NPR3: variants seen among roughly 807,000 people sequenced by gnomAD.
NPR3 encodes the protein atrial natriuretic peptide receptor 3.
In NPR3, 34 loss-of-function variants were observed where a neutral mutation model predicts 54.5. That is an observed-to-expected ratio of 0.62 (90% CI 0.47 to 0.83). NPR3 has a LOEUF of 0.83. Among genes scored for constraint, NPR3 ranks in the 40% least tolerant of loss-of-function variants. The probability of loss-of-function intolerance (pLI) is 0.00; values close to 1 mark genes in which losing one functional copy is unlikely to be tolerated. For synonymous variants in NPR3, 289 were observed against 297.1 expected, an observed-to-expected ratio of 0.97 and a Z score of 0.28; for missense variants, 674 against 720.8, an observed-to-expected ratio of 0.94 and a Z score of 0.74.
intron 3 of NPR3, 143 bp from the exon 4 acceptor site, chr5:32,774,565 A>G: frequency 1.5e-6 from 1 of 682,866 alleles, no homozygotes; most frequent in East Asian, 2.5e-5. Flanking sequence ...TCATGGCGTG[A>G]TTCTTGTCAG....
Position 32,718,534 on chromosome 5 carries a change from T to C in NPR3, c.769+5989T>C, listed in dbSNP as rs192647275. 5.3e-5 allele frequency among the ~76,000 whole-genome samples: 8 copies of C among 152,310 alleles called. No homozygotes were observed. The East Asian group carries it at 1.5e-3, about 29-fold the overall frequency. ...ATTTTATTTTATTTTCATTGAGCAG[T>C]GGTTTGTAGTTGCTGAAGAGGTCCT... On this transcript the variant is annotated intron_variant, in intron 1 of 7. Coordinates refer to ENST00000265074, the MANE Select transcript of NPR3 (RefSeq NM_001204375.2).
intron 2 of NPR3, among the ~76,000 whole-genome samples, chr5:32,735,935 G>A (rs915237015): frequency 1.3e-5 from 2 of 151,888 alleles, no homozygotes; most frequent in African/African-American, 4.8e-5. Context: ...TTTTTTCTAG[G>A]AAGCAAAACT....
chr5:32,784,802 G>A lies in NPR3; in HGVS notation c.1433G>A (p.Gly478Asp). Reference sequence around the variant, plus strand: ...TCCATGCTTCTTTTTCAAGCAGGTGGCCTAGAAGAATCGGCAGTGACAGGA... The same window carrying A: ...TCCATGCTTCTTTTTCAAGCAGGTGACCTAGAAGAATCGGCAGTGACAGGA... ...TNSSPCKSSG[G>D]LEESAVTGIV... is the part of the protein sequence containing the mutation. Residue 478 changes from glycine to aspartate, a missense_variant, in exon 7 of 8, where the codon GGC becomes GAC. Transcript: ENST00000265074. 1 of 1,613,204 alleles carries A rather than the reference G, an allele frequency of 6.2e-7. No individual in the cohort carries two copies. The highest frequency in any genetic ancestry group is 8.5e-7 in the Non-Finnish European group (1 of 1,179,338).
chr5:32,768,146 T>C (rs1346277208), intron 3 of NPR3, among the ~76,000 whole-genome samples: 1 of 152,134 alleles, frequency 6.6e-6, no homozygotes, highest in African/African-American at 2.4e-5. Context: ...GACACAGACC[T>C]CAGGGAAGAG....
rs777916621 is a variant in NPR3, at chr5:32,711,904, A to G, written c.128A>G (p.Gln43Arg). 3 of 1,488,444 alleles carry G rather than the reference A, an allele frequency of 2.0e-6. No individual in the cohort carries two copies. Among genetic ancestry groups the G allele is most frequent in the Non-Finnish European group, 1.8e-6 (2 of 1,118,818 alleles). 92.2% of individuals were successfully genotyped at this position (1,488,444 alleles called of 1,614,324 possible). ...GGCGCGGGCATAGGCGGCGGACGCC[A>G]GGAGAGAGAGGCGCTGCCGCCACAG... Reference protein sequence around the residue: ...GGGAGIGGGRQEREALPPQKI... With the variant: ...GGGAGIGGGRREREALPPQKI... The change falls in exon 1 of 8, where the codon CAG (glutamine) becomes CGG (arginine). Residue 43 changes from glutamine (Q) to arginine (R), a missense_variant. Coordinates refer to ENST00000265074, the MANE Select transcript of NPR3 (RefSeq NM_001204375.2).
intron 1 of NPR3, chr5:32,713,336 A>G: frequency 1.0e-6 from 1 of 985,452 alleles, no homozygotes; most frequent in Non-Finnish European, 1.2e-6. Flanking sequence ...GTTGGAATAA[A>G]ACCCAAACTG....
chr5:32,782,468 C>T (rs1293990279), intron 5 of NPR3, among the ~76,000 whole-genome samples: 3 of 152,128 alleles, frequency 2.0e-5, no homozygotes, highest in Admixed American at 6.5e-5. Context: ...CCGGGAATTC[C>T]GAGATTATTC....
At position 32,712,552 on chromosome 5, in the gene NPR3, A is replaced by C; in HGVS notation, c.769+7A>C. 6.6e-7 allele frequency: 1 copy of C among 1,506,950 alleles called. No homozygotes were observed. Among genetic ancestry groups the C allele is most frequent in the Non-Finnish European group, 8.8e-7 (1 of 1,133,252 alleles). The allele number at this position is 1,506,950 out of a possible 1,614,324, so 93.3% of individuals were successfully genotyped here. On this transcript the variant is annotated splice_region_variant and intron_variant, in intron 1 of 7. Coordinates refer to ENST00000265074, the MANE Select transcript of NPR3 (RefSeq NM_001204375.2). ...ATCCAGGCCAGTGAGAGAGGTGAGC[A>C]GGGGCGCGTCCCGGGCCCCGGGCCC...
At chr5:32,704,596 TA>T (rs893373957), upstream of NPR3, among the ~76,000 whole-genome samples, 4 of 152,204 alleles carry the variant, frequency 2.6e-5, no homozygotes, top group Non-Finnish European at 2.9e-5. Flanking sequence ...TAACACAGTA[TA>T]CCACCCTGGA....
At chr5:32,775,155 G>A (rs1126073) in intron 4 of NPR3, among the ~76,000 whole-genome samples, 5,822 of 152,266 alleles carry the variant, frequency 0.038, 402 homozygotes, top group African/African-American at 0.13. Flanking sequence ...TCTGTGATGA[G>A]TTTTAAAACC....
chr5:32,790,441 T>G lies in NPR3; in HGVS notation c.*4096T>G, dbSNP rs1488366515. 6.0e-6 allele frequency: 1 copy of G among 167,128 alleles called. No homozygotes were observed. The highest frequency in any genetic ancestry group is 1.5e-5 in the Non-Finnish European group (1 of 68,196). The allele number at this position is 167,128 out of a possible 1,614,324, so 10.4% of individuals were successfully genotyped here. On this transcript the variant is annotated 3_prime_UTR_variant, in exon 8 of 8. Coordinates refer to ENST00000265074, the MANE Select transcript of NPR3 (RefSeq NM_001204375.2). The stretch of plus-strand genomic sequence containing the variant: ...AAATTTGTGAGTAGGCCTCCATACT[T>G]CCTCGGGGGAAGAAAGAGAAACTAG...
chr5:32,724,966 T>G, intron 2 of NPR3, 146 bp downstream of exon 2: 1 of 881,054 alleles, frequency 1.1e-6, no homozygotes. Context: ...GAATCATGTC[T>G]TTTGCAGCAA....
Position 32,780,729 on chromosome 5 carries a change from C to T in NPR3, c.1203C>T (p.Ala401=), listed in dbSNP as rs532008703. The change falls in exon 5 of 8, where the codon GCC becomes GCT. Residue 401 remains alanine (A), a synonymous_variant. Coordinates refer to ENST00000265074, the MANE Select transcript of NPR3 (RefSeq NM_001204375.2). ...TCGCTTCTGGTCCTGTAGGTATCGC[C>T]GGGCAGGTGTCCATAGATGCCAACG... ...QTWNRTFEGI[A]GQVSIDANGD... 1.8e-4 allele frequency: 280 copies of T among 1,518,414 alleles called. 3 individuals carry two copies. In the South Asian group the frequency reaches 2.4e-3, roughly 13 times the overall value. The allele number at this position is 1,518,414 out of a possible 1,614,324, so 94.1% of individuals were successfully genotyped here. A position where few individuals can be genotyped will look rare whatever the true frequency, so the allele number is the denominator to read the frequency against.
At chr5:32,727,528 A>G (rs1019669813) in intron 2 of NPR3, among the ~76,000 whole-genome samples, 3 of 152,086 alleles carry the variant, frequency 2.0e-5, no homozygotes, top group Admixed American at 6.6e-5. Context: ...ATAATCTTTT[A>G]CCTTATTTTA....
At chr5:32,732,991 T>A (rs1739543326) in intron 2 of NPR3, among the ~76,000 whole-genome samples, 1 of 152,124 alleles carries the variant, frequency 6.6e-6, no homozygotes, top group Non-Finnish European at 1.5e-5. Flanking sequence ...ATTACAGGCA[T>A]GTGCCACCAC....
chr5:32,759,880 G>C (rs1411200788), intron 3 of NPR3, among the ~76,000 whole-genome samples: 9 of 152,136 alleles, frequency 5.9e-5, no homozygotes, highest in Admixed American at 5.9e-4. Flanking sequence ...AGTTTGGTTG[G>C]ATATGAAATT....
chr5:32,783,255 T>A (rs964302373), intron 6 of NPR3: 11 of 429,070 alleles, frequency 2.6e-5, no homozygotes, highest in East Asian at 1.5e-4. Context: ...TATTTTTACA[T>A]CTCTTACTAT....
intron 3 of NPR3, among the ~76,000 whole-genome samples, chr5:32,753,963 T>C (rs567041574): frequency 2.0e-5 from 3 of 152,336 alleles, no homozygotes; most frequent in Non-Finnish European, 4.4e-5. Context: ...CTCTGCACTT[T>C]AGATCATTTG....
chr5:32,750,799 T>TCA (rs1740536409), intron 3 of NPR3, among the ~76,000 whole-genome samples: 1 of 152,208 alleles, frequency 6.6e-6, no homozygotes, highest in South Asian at 2.1e-4. Context: ...ACTAACTCAG[T>TCA]GCATTCTTTT....
Sources: gnomAD v4.1 joint callset for allele counts (sites outside exome capture counted in the v4.1 genomes callset) on GRCh38, gnomAD v4.1.1 for gene constraint, MANE v1.5 for transcripts, NCBI Gene and HGNC (gene_info 2026-07-23, HGNC 2026-07-21) for gene names.